The following PARP1 variants were observed in gnomAD, a reference collection of about 807,000 sequenced individuals.
PARP1 encodes poly(ADP-ribose) polymerase 1, also known as poly [ADP-ribose] polymerase 1.
Under a neutral mutation model 118.7 loss-of-function variants are expected in PARP1, and 44 were observed. That is an observed-to-expected ratio of 0.37 (90% CI 0.29 to 0.48). PARP1 has a LOEUF of 0.48. PARP1 is among the 20% of genes least tolerant of loss of function. The pLI, the probability that PARP1 is intolerant of heterozygous loss-of-function variation, is 0.99. For synonymous variants in PARP1, 492 were observed against 483.2 expected, an observed-to-expected ratio of 1.02 and a Z score of -0.24; for missense variants, 1,100 against 1,272.4, an observed-to-expected ratio of 0.86 and a Z score of 2.06.
At chr1:226,390,043 A>T (rs1664792324) in intron 4 of PARP1, among the ~76,000 whole-genome samples, 1 of 152,208 alleles carries the variant, frequency 6.6e-6, no homozygotes, top group African/African-American at 2.4e-5. Context: ...CCGAATAGTG[A>T]TCAACCCAGG....
At chr1:226,391,947 G>C (rs1664827183) in intron 3 of PARP1, among the ~76,000 whole-genome samples, 2 of 152,206 alleles carry the variant, frequency 1.3e-5, no homozygotes, top group South Asian at 4.1e-4. Flanking sequence ...GGGTCCAAAA[G>C]AGACTCCTTT....
chr1:226,378,676 G>A (rs911310863), intron 12 of PARP1, among the ~76,000 whole-genome samples: 35 of 152,084 alleles, frequency 2.3e-4, no homozygotes, highest in Non-Finnish European at 1.0e-4. Context: ...AGCGAGGCCC[G>A]TCTCCATAAA....
intron 1 of PARP1, among the ~76,000 whole-genome samples, chr1:226,404,349 C>T (rs1477261448): frequency 6.6e-6 from 1 of 152,242 alleles, no homozygotes; most frequent in Non-Finnish European, 1.5e-5. Flanking sequence ...ATACAGATCC[C>T]TAAGCATCTG....
intron 5 of PARP1, 61 bp downstream of exon 5, chr1:226,388,595 G>T: frequency 8.4e-7 from 1 of 1,185,712 alleles, no homozygotes; most frequent in South Asian, 1.2e-5. Context: ...TGTCTTCCCA[G>T]AATGAGAAAG....
At chr1:226,392,090 G>T (rs1187712927) in intron 3 of PARP1, 109 bp downstream of exon 3, 7 of 790,968 alleles carry the variant, frequency 8.8e-6, no homozygotes, top group Non-Finnish European at 1.6e-5. Context: ...AATCACTTAC[G>T]TTGAGCTAGC....
At chr1:226,368,377 G>C in intron 15 of PARP1, 56 bp from the exon 16 acceptor site, 6 of 1,612,628 alleles carry the variant, frequency 3.7e-6, no homozygotes, top group South Asian at 2.2e-5. Flanking sequence ...CCAAGCCCCC[G>C]GCCAGGCTTT....
intron 17 of PARP1, chr1:226,366,956 T>TC (rs1664281775): frequency 5.4e-6 from 1 of 186,278 alleles, no homozygotes; most frequent in South Asian, 1.1e-4. Context: ...CAAAAATCCC[T>TC]CCTCTAGTTG....
rs1664601251 is a variant in PARP1, at chr1:226,381,272, G to C, written c.1160-64C>G. ...CTGGTGCTGCTCCCCAGTAAGGGGA[G>C]GTGGAGGAGCAGGTGAGCCAAGCAG... On this transcript the variant is annotated intron_variant, in intron 8 of 22. Coordinates refer to ENST00000366794, the MANE Select transcript of PARP1 (RefSeq NM_001618.4). The C allele has an allele frequency of 2.0e-5, 32 of 1,597,554 alleles. 2 individuals are homozygous for C. The South Asian group carries it at 3.4e-4, about 17-fold the overall frequency.
At position 226,379,024 on chromosome 1, in the gene PARP1, T is replaced by G. The variant is rs182017266; in HGVS notation, c.1745+118A>C. 1.3e-4 allele frequency: 156 copies of G among 1,228,470 alleles called. No individual in the cohort carries two copies. In the African/African-American group the frequency reaches 1.9e-3, roughly 15 times the overall value. The allele number at this position is 1,228,470 out of a possible 1,614,324, so 76.1% of individuals were successfully genotyped here. A position where few individuals can be genotyped will look rare whatever the true frequency, so the allele number is the denominator to read the frequency against. On this transcript the variant is annotated intron_variant, in intron 12 of 22. Coordinates refer to ENST00000366794, the MANE Select transcript of PARP1 (RefSeq NM_001618.4). The stretch of plus-strand genomic sequence containing the variant: ...ATAATTTGTTTTTGATCTCTGTGAT[T>G]AGATTTCATTCCCCAGGCACTGGGC...
At position 226,365,793 on chromosome 1, in the gene PARP1, C is replaced by A. The variant is rs28445628; in HGVS notation, c.2505+161G>T. 2.4e-3 allele frequency among the ~76,000 whole-genome samples: 356 copies of A among 147,014 alleles called. 1 individual carries two copies. The highest frequency in any genetic ancestry group is 4.1e-3 in the African/African-American group (165 of 39,814). ...AAAAAAAAAACAAAAAACAAACAAA[C>A]AAAAAAAAAACTACTAATTTTTCTG... On this transcript the variant is annotated intron_variant, in intron 18 of 22. Transcript: ENST00000366794.
chr1:226,381,133 A>G lies in PARP1; in HGVS notation c.1235T>C (p.Ile412Thr), dbSNP rs773756874. 2 of 1,614,074 alleles carry G rather than the reference A, an allele frequency of 1.2e-6. No individual in the cohort carries two copies. The highest frequency in any genetic ancestry group is 1.7e-6 in the Non-Finnish European group (2 of 1,180,036). Reference protein sequence around the residue: ...SRNKDEVKAMIEKLGGKLTGT... With the variant: ...SRNKDEVKAMTEKLGGKLTGT... The stretch of plus-strand genomic sequence containing the variant: ...CGTCAACTTCCCCCCGAGTTTCTCA[A>G]TCATGGCCTTCACTTCATCCTTGTT... Residue 412 changes from isoleucine to threonine, a missense_variant, in exon 9 of 23, where the codon ATT becomes ACT. Coordinates refer to ENST00000366794, the MANE Select transcript of PARP1 (RefSeq NM_001618.4).
chr1:226,398,308 G>A (rs1664964375), intron 2 of PARP1, among the ~76,000 whole-genome samples: 1 of 152,162 alleles, frequency 6.6e-6, no homozygotes, highest in South Asian at 2.1e-4. Flanking sequence ...AACAAACAAT[G>A]TGATTTTAAA....
chr1:226,361,900 A>T (rs894858089), intron 22 of PARP1, 69 bp downstream of exon 22: 10 of 930,622 alleles, frequency 1.1e-5, no homozygotes, highest in Admixed American at 9.3e-5. Flanking sequence ...GTAATCTGAC[A>T]GCACATAAGT....
chr1:226,363,229 G>T, intron 20 of PARP1, 69 bp from the exon 21 acceptor site: 1 of 990,096 alleles, frequency 1.0e-6, no homozygotes, highest in South Asian at 1.3e-5. Context: ...GTTTGATTAG[G>T]AGAATAAGAT....
rs765902839 is a variant in PARP1 at position 226,379,977 on chromosome 1, T to A, written c.1488A>T (p.Arg496Ser). Residue 496 changes from arginine to serine, a missense_variant, in exon 10 of 23, where the codon AGA becomes AGT. Transcript: ENST00000366794. ...KAEPVEVVAP[R>S]GKSGAALSKK... is the part of the protein sequence containing the mutation. ...TGGAGAGCGCAGCCCCTGACTTCCCTCTTGGGGCCACAACTTCAACAGGCT... is the reference window on the plus strand; with the variant it reads ...TGGAGAGCGCAGCCCCTGACTTCCCACTTGGGGCCACAACTTCAACAGGCT... 6.2e-7 allele frequency: 1 copy of A among 1,614,204 alleles called. No individual in the cohort carries two copies. Among genetic ancestry groups the A allele is most frequent in the East Asian group, 2.2e-5 (1 of 44,876 alleles).
intron 13 of PARP1, among the ~76,000 whole-genome samples, chr1:226,376,612 A>G (rs376656220): frequency 2.6e-5 from 4 of 152,258 alleles, no homozygotes; most frequent in African/African-American, 9.6e-5. Flanking sequence ...ATTCTCATTT[A>G]AGCTCTATCT....
chr1:226,363,959 C>T lies in PARP1; in HGVS notation c.2770G>A (p.Val924Ile), dbSNP rs1210082971. The T allele has an allele frequency of 6.2e-7, 1 of 1,614,032 alleles. No homozygotes were observed. Among genetic ancestry groups the T allele is most frequent in the Non-Finnish European group, 8.5e-7 (1 of 1,179,984 alleles). ...TTTACTCACATGTTTCCAAGGGCAA[C>T]TTCTCCCAACAGGATTAAGCCTATT... ...DPIGLILLGE[V>I]ALGNMYELKH... The change falls in exon 20 of 23, where the codon GTT (valine) becomes ATT (isoleucine). Residue 924 changes from valine (V) to isoleucine (I), a missense_variant. Val to Ile is a conservative substitution (Grantham distance 29). Coordinates refer to ENST00000366794, the MANE Select transcript of PARP1 (RefSeq NM_001618.4).
Position 226,386,427 on chromosome 1 carries a change from T to A in PARP1, c.733A>T (p.Ile245Phe). 1 of 1,612,736 alleles carries A rather than the reference T, an allele frequency of 6.2e-7. No homozygotes were observed. The highest frequency in any genetic ancestry group is 8.5e-7 in the Non-Finnish European group (1 of 1,178,742). The stretch of plus-strand genomic sequence containing the variant: ...TTTAGCTCGTCCTTGATGTTCCAGA[T>A]CAGGTCGTTCTGAGCCTATGGACAA... Reference protein sequence around the residue: ...EKALKAQNDLIWNIKDELKKV... With the variant: ...EKALKAQNDLFWNIKDELKKV... The change falls in exon 6 of 23, where the codon ATC becomes TTC. Residue 245 changes from isoleucine to phenylalanine, a missense_variant. Ile to Phe is a conservative substitution (Grantham distance 21). Coordinates refer to ENST00000366794, the MANE Select transcript of PARP1 (RefSeq NM_001618.4).
At chr1:226,391,503 C>T (rs553034999) in intron 3 of PARP1, among the ~76,000 whole-genome samples, 10 of 152,128 alleles carry the variant, frequency 6.6e-5, no homozygotes, top group South Asian at 2.1e-4. Flanking sequence ...ACATACCATC[C>T]GGCATTCCCC....
Sources: gnomAD v4.1 joint callset for allele counts (sites outside exome capture counted in the v4.1 genomes callset) on GRCh38, gnomAD v4.1.1 for gene constraint, MANE v1.5 for transcripts, NCBI Gene and HGNC (gene_info 2026-07-23, HGNC 2026-07-21) for gene names.